EYS: variants seen among roughly 807,000 people sequenced by gnomAD.
EYS encodes protein eyes shut homolog.
Under a neutral mutation model 282.1 loss-of-function variants are expected in EYS, and 250 were observed. The observed-to-expected ratio is 0.89, with a 90% CI of 0.80 to 0.98. The LOEUF is 0.98. EYS is among the 50% of genes least tolerant of loss of function. The probability of loss-of-function intolerance (pLI) is 0.00; values close to 1 mark genes in which losing one functional copy is unlikely to be tolerated. For missense variants in EYS, 4,016 were observed against 3,709.0 expected (o/e 1.08, Z -2.15); for synonymous variants, 1,355 against 1,282.9 (o/e 1.06, Z -1.20).
chr6:64,409,908 G>C (rs1397190118), intron 28 of EYS, among the ~76,000 whole-genome samples: 1 of 152,078 alleles, frequency 6.6e-6, no homozygotes, highest in Non-Finnish European at 1.5e-5. Flanking sequence ...GAGACAAAAG[G>C]AGGGAAAACA....
chr6:65,176,848 A>T (rs966350010), intron 12 of EYS, among the ~76,000 whole-genome samples: 1 of 151,754 alleles, frequency 6.6e-6, no homozygotes, highest in African/African-American at 2.4e-5. Flanking sequence ...AGTAAAATAC[A>T]TGCTAATTAT....
intron 31 of EYS, among the ~76,000 whole-genome samples, chr6:64,125,654 T>G (rs1319879871): frequency 6.6e-6 from 1 of 151,548 alleles, no homozygotes; most frequent in Non-Finnish European, 1.5e-5. Context: ...GGCGTGGTGG[T>G]GGGCACCTGT....
chr6:65,057,965 A>C (rs1203899194), intron 12 of EYS, among the ~76,000 whole-genome samples: 1 of 152,170 alleles, frequency 6.6e-6, no homozygotes, highest in Non-Finnish European at 1.5e-5. Context: ...GTTTGTAGGC[A>C]TGCAAAGTCT....
chr6:63,851,280 CAAG>C (rs1772243163), intron 36 of EYS, among the ~76,000 whole-genome samples: 1 of 152,154 alleles, frequency 6.6e-6, no homozygotes, highest in Admixed American at 6.5e-5. Flanking sequence ...AGAAAATTAA[CAAG>C]AATATTCAGG....
intron 4 of EYS, among the ~76,000 whole-genome samples, chr6:65,494,301 G>A (rs553831912): frequency 1.6e-3 from 237 of 150,096 alleles, no homozygotes; most frequent in African/African-American, 5.5e-3. Context: ...TTTTTGAGAC[G>A]GAGTCTCGCT....
In EYS at chr6:64,096,538, C is replaced by G. The variant is rs191141670; in HGVS notation, c.6425-14536G>C. On this transcript the variant is annotated intron_variant, in intron 31 of 42. Coordinates refer to ENST00000503581, the MANE Select transcript of EYS (RefSeq NM_001142800.2). ...ATTGATACCCTTTCTTCCAGTTGAT[C>G]GAATCAGCTACTGAGGCTTGTGCAT... Among the ~76,000 whole-genome samples the G allele has an allele frequency of 7.9e-5, 12 of 152,272 alleles. No individual in the cohort carries two copies. In the South Asian group the frequency reaches 8.3e-4, roughly 11 times the overall value.
intron 5 of EYS, among the ~76,000 whole-genome samples, chr6:65,474,073 A>C (rs553206627): frequency 2.0e-4 from 30 of 152,092 alleles, no homozygotes; most frequent in Non-Finnish European, 4.0e-4. Flanking sequence ...AAAGACTATC[A>C]AGTAGGTGTA....
At chr6:64,310,790 G>T (rs991865569) in intron 29 of EYS, among the ~76,000 whole-genome samples, 41 of 152,086 alleles carry the variant, frequency 2.7e-4, no homozygotes, top group African/African-American at 9.9e-4. Context: ...GAGAGAGAAA[G>T]GGAACTGAGC....
At chr6:64,241,854 C>T (rs911087285) in intron 30 of EYS, among the ~76,000 whole-genome samples, 4 of 152,182 alleles carry the variant, frequency 2.6e-5, no homozygotes, top group African/African-American at 9.7e-5. Context: ...TTCCTCTGCA[C>T]ACTGCTTTAA....
intron 35 of EYS, among the ~76,000 whole-genome samples, chr6:63,977,606 G>C (rs1290196465): frequency 6.6e-6 from 1 of 151,942 alleles, no homozygotes; most frequent in Non-Finnish European, 1.5e-5. Context: ...AGCTGTGAAG[G>C]ACTGGGTGGA....
chr6:65,040,253 T>C (rs1470247272), intron 13 of EYS, among the ~76,000 whole-genome samples: 1 of 151,754 alleles, frequency 6.6e-6, no homozygotes, highest in Non-Finnish European at 1.5e-5. Flanking sequence ...GACTAAGGTC[T>C]TGGTAAAGTT....
chr6:63,757,525 C>T (rs149126878), intron 41 of EYS, among the ~76,000 whole-genome samples: 48 of 152,176 alleles, frequency 3.2e-4, no homozygotes, highest in Middle Eastern at 6.8e-3. Flanking sequence ...GCCTCAGAAG[C>T]ATGTGATCTT....
chr6:65,416,762 T>C (rs2150374027), intron 5 of EYS, among the ~76,000 whole-genome samples: 1 of 152,128 alleles, frequency 6.6e-6, no homozygotes, highest in Admixed American at 6.6e-5. Context: ...TTTAGTCTAC[T>C]TTCCTGTAAG....
At chr6:63,809,501 T>A (rs1197549170) in intron 36 of EYS, among the ~76,000 whole-genome samples, 1 of 152,198 alleles carries the variant, frequency 6.6e-6, no homozygotes, top group East Asian at 1.9e-4. Flanking sequence ...ATACCATGTG[T>A]AAAGTCATGC....
At chr6:64,561,690 G>C (rs1765398074) in intron 26 of EYS, among the ~76,000 whole-genome samples, 1 of 151,710 alleles carries the variant, frequency 6.6e-6, no homozygotes, top group African/African-American at 2.4e-5. Context: ...AGACACAAAT[G>C]GAAAAACCTC....
intron 12 of EYS, among the ~76,000 whole-genome samples, chr6:65,230,934 T>A (rs1408638479): frequency 6.6e-6 from 1 of 150,894 alleles, no homozygotes; most frequent in African/African-American, 2.4e-5. Context: ...AAACAAAAAG[T>A]GAATATATAT....
chr6:65,656,411 G>T (rs1017212400), intron 1 of EYS, among the ~76,000 whole-genome samples: 1 of 151,866 alleles, frequency 6.6e-6, no homozygotes, highest in Non-Finnish European at 1.5e-5. Context: ...GCGGAAGTTC[G>T]TGAGGGAAAG....
At chr6:65,096,610 A>G (rs1304665467) in intron 12 of EYS, among the ~76,000 whole-genome samples, 1 of 151,020 alleles carries the variant, frequency 6.6e-6, no homozygotes, top group Non-Finnish European at 1.5e-5. Context: ...ATGACAATTA[A>G]AGTAATTTTT....
chr6:65,012,192 G>A lies in EYS; in HGVS notation c.2138-14489C>T, dbSNP rs114134617. ...CTCAGAAAATGTAATTATATAAAGT[G>A]GTTGCCATTGTGTGAAATGTACACA... On this transcript the variant is annotated intron_variant, in intron 13 of 42. Coordinates refer to ENST00000503581, the MANE Select transcript of EYS (RefSeq NM_001142800.2). 4.8e-3 allele frequency among the ~76,000 whole-genome samples: 730 copies of A among 152,182 alleles called. 6 individuals are homozygous for A. Among genetic ancestry groups the A allele is most frequent in the African/African-American group, 0.016 (674 of 41,522 alleles).
Sources: allele counts gnomAD v4.1 joint callset (sites outside exome capture counted in the v4.1 genomes callset), GRCh38; gene constraint gnomAD v4.1.1; transcripts MANE v1.5; gene names NCBI Gene and HGNC (gene_info 2026-07-23, HGNC 2026-07-21).